The following AMPH variants were observed in gnomAD, a reference collection of about 807,000 sequenced individuals.
AMPH encodes the protein amphiphysin, also known as amphiphysin (Stiff-Mann syndrome with breast cancer 128kD autoantigen).
Under a neutral mutation model 99.1 loss-of-function variants are expected in AMPH, and 49 were observed. That is an observed-to-expected ratio of 0.49 (90% CI 0.39 to 0.63). The LOEUF (loss-of-function observed/expected upper bound fraction) is 0.63. AMPH is among the 20% of genes least tolerant of loss of function. AMPH has a pLI of 0.00. For synonymous variants in AMPH, 314 were observed against 317.3 expected (o/e 0.99, Z 0.11); for missense variants, 759 against 863.4 (o/e 0.88, Z 1.52).
chr7:38,488,229 G>A (rs562192192), intron 5 of AMPH, among the ~76,000 whole-genome samples: 3 of 152,276 alleles, frequency 2.0e-5, no homozygotes, highest in African/African-American at 7.2e-5. Flanking sequence ...GCACACGTAT[G>A]TTTATTGCAG....
chr7:38,601,973 G>A (rs1249393595), intron 1 of AMPH, among the ~76,000 whole-genome samples: 4 of 152,156 alleles, frequency 2.6e-5, no homozygotes, highest in Non-Finnish European at 5.9e-5. Context: ...ATAACTACCT[G>A]TGGGTATCAA....
At chr7:38,579,126 C>T (rs1792353693) in intron 1 of AMPH, among the ~76,000 whole-genome samples, 1 of 152,250 alleles carries the variant, frequency 6.6e-6, no homozygotes, top group Non-Finnish European at 1.5e-5. Flanking sequence ...AGAACTACAA[C>T]TCTAAGCCAA....
chr7:38,406,715 T>TCTCTCC lies in AMPH; in HGVS notation c.1398+11109_1398+11110insGGAGAG, dbSNP rs1562732263. Among the ~76,000 whole-genome samples the TCTCTCC allele has an allele frequency of 2.5e-3, 288 of 117,184 alleles. 4 individuals are homozygous for TCTCTCC. Among genetic ancestry groups the TCTCTCC allele is most frequent in the Non-Finnish European group, 4.3e-3 (228 of 53,366 alleles). 76.9% of individuals were successfully genotyped at this position (117,184 alleles called of 152,430 possible). ...TTGCTCTGAGTTCTCTCTCCTCTCC[T>TCTCTCC]CTCTCTCTCCCTTTCCCTCTCTCTC... On this transcript the variant is annotated intron_variant, in intron 17 of 20. Coordinates refer to ENST00000356264, the MANE Select transcript of AMPH (RefSeq NM_001635.4).
At chr7:38,552,728 A>G (rs1182884404) in intron 1 of AMPH, among the ~76,000 whole-genome samples, 1 of 152,162 alleles carries the variant, frequency 6.6e-6, no homozygotes. Context: ...AGGCTCAAAT[A>G]AGGGAAGGGA....
At chr7:38,559,949 T>C (rs1281306060) in intron 1 of AMPH, among the ~76,000 whole-genome samples, 1 of 152,196 alleles carries the variant, frequency 6.6e-6, no homozygotes, top group Non-Finnish European at 1.5e-5. Flanking sequence ...CACAAAGCAA[T>C]ATGATAAAAC....
chr7:38,447,315 G>A (rs937185271), intron 11 of AMPH, among the ~76,000 whole-genome samples: 2 of 152,024 alleles, frequency 1.3e-5, no homozygotes, highest in African/African-American at 4.8e-5. Flanking sequence ...TACCACGCCC[G>A]GCCACATTTC....
chr7:38,441,152 A>G (rs959722740), intron 11 of AMPH, among the ~76,000 whole-genome samples: 21 of 152,236 alleles, frequency 1.4e-4, no homozygotes, highest in African/African-American at 4.8e-4. Context: ...TCTCAAATCA[A>G]AGAATATTGT....
chr7:38,407,335 A>ATCTCTCTCTC (rs70975099), intron 17 of AMPH, among the ~76,000 whole-genome samples: 60,995 of 139,802 alleles, frequency 0.44, 13,239 homozygotes, highest in East Asian at 0.51. Flanking sequence ...ATTAGGGAAA[A>ATCTCTCTCTC]TCTCTCTCTC....
At chr7:38,532,520 T>G (rs3800795) in intron 2 of AMPH, among the ~76,000 whole-genome samples, 92,983 of 152,012 alleles carry the variant, frequency 0.61, 29,105 homozygotes, top group African/African-American at 0.75. Context: ...GTGGTAGTCT[T>G]CATGGGTGCT....
At chr7:38,544,667 G>A (rs181195818) in intron 1 of AMPH, among the ~76,000 whole-genome samples, 2 of 152,350 alleles carry the variant, frequency 1.3e-5, no homozygotes, top group African/African-American at 4.8e-5. Context: ...TCACTTTTGA[G>A]AGCTGGATAA....
chr7:38,629,737 T>A (rs1285939889), intron 1 of AMPH, among the ~76,000 whole-genome samples: 1 of 151,724 alleles, frequency 6.6e-6, no homozygotes, highest in African/African-American at 2.4e-5. Context: ...GTGGGTAAAA[T>A]GAAGTGTGGA....
intron 15 of AMPH, among the ~76,000 whole-genome samples, chr7:38,426,731 C>T (rs1481899348): frequency 6.6e-6 from 1 of 152,180 alleles, no homozygotes; most frequent in East Asian, 1.9e-4. Context: ...TGCTAGCCTG[C>T]TGGGCTAAAC....
intron 1 of AMPH, among the ~76,000 whole-genome samples, chr7:38,626,165 T>A (rs1328365514): frequency 6.6e-6 from 1 of 152,194 alleles, no homozygotes; most frequent in African/African-American, 2.4e-5. Context: ...TTCTTTTTTT[T>A]AAATTTTACC....
intron 1 of AMPH, among the ~76,000 whole-genome samples, chr7:38,572,571 T>C (rs1269333978): frequency 1.3e-5 from 2 of 152,106 alleles, no homozygotes; most frequent in Non-Finnish European, 2.9e-5. Context: ...GCTGTTCCCA[T>C]ATCTGAGCTG....
At chr7:38,430,366 T>A (rs1696631792) in intron 13 of AMPH, among the ~76,000 whole-genome samples, 1 of 152,202 alleles carries the variant, frequency 6.6e-6, no homozygotes, top group Non-Finnish European at 1.5e-5. Flanking sequence ...AGAGTTCTCT[T>A]GATGTCATTC....
chr7:38,485,775 CT>C (rs1433928447), intron 5 of AMPH, among the ~76,000 whole-genome samples: 1 of 151,836 alleles, frequency 6.6e-6, no homozygotes, highest in Non-Finnish European at 1.5e-5. Context: ...TACCAGGTAT[CT>C]TTTCCAACCA....
intron 20 of AMPH, among the ~76,000 whole-genome samples, chr7:38,386,917 C>T (rs1433014464): frequency 6.6e-6 from 1 of 152,148 alleles, no homozygotes; most frequent in Non-Finnish European, 1.5e-5. Context: ...GGGGCATTCA[C>T]AGCATAGAGT....
intron 1 of AMPH, among the ~76,000 whole-genome samples, chr7:38,566,646 C>A (rs1791756280): frequency 6.6e-6 from 1 of 152,056 alleles, no homozygotes; most frequent in Non-Finnish European, 1.5e-5. Context: ...GCGATCTACC[C>A]ATCTGACAAA....
chr7:38,449,817 T>C (rs1458213348), intron 11 of AMPH, among the ~76,000 whole-genome samples: 3 of 152,200 alleles, frequency 2.0e-5, no homozygotes, highest in African/African-American at 4.8e-5. Flanking sequence ...AAATATGTTA[T>C]GTTGAAAAGC....
Sources: gnomAD v4.1 joint callset for allele counts (sites outside exome capture counted in the v4.1 genomes callset) on GRCh38, gnomAD v4.1.1 for gene constraint, MANE v1.5 for transcripts, NCBI Gene and HGNC (gene_info 2026-07-23, HGNC 2026-07-21) for gene names.